Variants in GPR139 observed in about 807,000 individuals in gnomAD.
GPR139 encodes the protein probable G protein-coupled receptor 139.
GPR139 carries 12 observed loss-of-function variants against 25.8 expected under a neutral mutation model. The ratio of observed to expected loss-of-function variants is 0.47; its 90% CI spans 0.30 to 0.75. The LOEUF is 0.75. Among genes scored for constraint, GPR139 ranks in the 30% least tolerant of loss-of-function variants. GPR139 has a pLI of 0.07. For synonymous variants in GPR139, 184 were observed against 179.9 expected (o/e 1.02, Z -0.18); for missense variants, 380 against 450.2 (o/e 0.84, Z 1.41).
chr16:20,039,841 C>G (rs537802328), intron 1 of GPR139, among the ~76,000 whole-genome samples: 1 of 152,324 alleles, frequency 6.6e-6, no homozygotes, highest in East Asian at 1.9e-4. Flanking sequence ...CCCTTGTGTA[C>G]TATGCCCCCT....
At chr16:20,058,892 T>A (rs532182047) in intron 1 of GPR139, among the ~76,000 whole-genome samples, 1 of 152,314 alleles carries the variant, frequency 6.6e-6, no homozygotes, top group East Asian at 1.9e-4. Flanking sequence ...ACTGGGAGGA[T>A]CACTCTCCAC....
chr16:20,052,536 G>A (rs911077678), intron 1 of GPR139, among the ~76,000 whole-genome samples: 6 of 152,148 alleles, frequency 3.9e-5, no homozygotes, highest in Middle Eastern at 3.2e-3. Context: ...GGTGGCTCAC[G>A]CCTGTAATCC....
At chr16:20,060,310 T>C (rs541605170) in intron 1 of GPR139, among the ~76,000 whole-genome samples, 38 of 152,012 alleles carry the variant, frequency 2.5e-4, no homozygotes, top group African/African-American at 8.9e-4. Flanking sequence ...TGTATCTCTG[T>C]GTGTGGTGTG....
At chr16:20,055,789 T>C (rs2141210662) in intron 1 of GPR139, among the ~76,000 whole-genome samples, 1 of 152,376 alleles carries the variant, frequency 6.6e-6, no homozygotes, top group Non-Finnish European at 1.5e-5. Flanking sequence ...CTCTTGCCGC[T>C]GTTCAGCAGA....
intron 1 of GPR139, among the ~76,000 whole-genome samples, chr16:20,069,558 A>G (rs16969515): frequency 0.14 from 21,723 of 151,900 alleles, 1,684 homozygotes; most frequent in East Asian, 0.26. Flanking sequence ...TCTTGCACCA[A>G]CTCTCAAAGG....
At chr16:20,060,640 A>G (rs7195972) in intron 1 of GPR139, among the ~76,000 whole-genome samples, 1,593 of 152,266 alleles carry the variant, frequency 0.01, 24 homozygotes, top group African/African-American at 0.036. Context: ...TCATTAGTGG[A>G]CACATCAGTT....
intron 1 of GPR139, among the ~76,000 whole-genome samples, chr16:20,060,032 C>T (rs1244072281): frequency 6.6e-6 from 1 of 152,164 alleles, no homozygotes; most frequent in East Asian, 1.9e-4. Flanking sequence ...CACCCCGACC[C>T]TCCTTATGAC....
At chr16:20,040,122 G>A (rs1183343025) in intron 1 of GPR139, among the ~76,000 whole-genome samples, 4 of 152,080 alleles carry the variant, frequency 2.6e-5, no homozygotes, top group African/African-American at 7.2e-5. Flanking sequence ...ACTGTCACCC[G>A]TGGGAATGAG....
chr16:20,068,073 A>C (rs1025020570), intron 1 of GPR139, among the ~76,000 whole-genome samples: 1 of 152,058 alleles, frequency 6.6e-6, no homozygotes, highest in Admixed American at 6.6e-5. Flanking sequence ...GATACCCTGA[A>C]AGAATACATA....
rs756461493 is a variant in GPR139 at position 20,073,613 on chromosome 16, C to T, written c.4G>A (p.Glu2Lys). The change falls in exon 1 of 2, where the codon GAG becomes AAG. Residue 2 changes from glutamate (E) to lysine (K), a missense_variant. Coordinates refer to ENST00000570682, the MANE Select transcript of GPR139 (RefSeq NM_001002911.4). The surrounding 1 kb of genome is among the most constrained non-coding windows in gnomAD (Gnocchi z 4.7). ...GCTGCGAGGTGGGCGTGCGTGTGCTCCATGAGCGCGCCCCTCGCTCCCCTT... is the reference window on the plus strand; with the variant it reads ...GCTGCGAGGTGGGCGTGCGTGTGCTTCATGAGCGCGCCCCTCGCTCCCCTT... M[E>K]HTHAHLAANS... 8 of 1,601,656 alleles carry T rather than the reference C, an allele frequency of 5.0e-6. No individual in the cohort carries two copies. Among genetic ancestry groups the T allele is most frequent in the South Asian group, 1.1e-5 (1 of 89,162 alleles).
chr16:20,039,815 T>C (rs916607110), intron 1 of GPR139, among the ~76,000 whole-genome samples: 3 of 152,232 alleles, frequency 2.0e-5, no homozygotes, highest in African/African-American at 7.2e-5. Context: ...ATGTGTCAGC[T>C]AGCCTTATAG....
chr16:20,046,349 A>T (rs1008473260), intron 1 of GPR139, among the ~76,000 whole-genome samples: 1 of 152,250 alleles, frequency 6.6e-6, no homozygotes, highest in Non-Finnish European at 1.5e-5. Context: ...GTTTGCATCC[A>T]CAGGGAGCTT....
rs1441621033 is a variant in GPR139, at chr16:20,073,037, A to AGG, written c.127+451_127+452dup. 2.0e-5 allele frequency among the ~76,000 whole-genome samples: 3 copies of AGG among 152,142 alleles called. No individual in the cohort carries two copies. The highest frequency in any genetic ancestry group is 4.4e-5 in the Non-Finnish European group (3 of 68,020). On this transcript the variant is annotated intron_variant, in intron 1 of 1. Coordinates refer to ENST00000570682, the MANE Select transcript of GPR139 (RefSeq NM_001002911.4). The surrounding 1 kb of genome is among the most constrained non-coding windows in gnomAD (Gnocchi z 4.7). ...TCTCGTGTCAGGCGGGGACACGCAG[A>AGG]GGGGCAGAGGTGCCCCAAGTGGGGT...
intron 1 of GPR139, among the ~76,000 whole-genome samples, chr16:20,051,002 G>T (rs1314702191): frequency 6.8e-6 from 1 of 148,018 alleles, no homozygotes; most frequent in East Asian, 2.0e-4. Flanking sequence ...GGTCAAGGCT[G>T]CAGTGAGTGG....
chr16:20,030,499 G>T lies in GPR139; in HGVS notation c.*1236C>A. Reference sequence around the variant, plus strand: ...CCCCTATTCATTACATCCTAGAAATGTTCTTGCCTTGGACAGGCAAGGGTA... The same window carrying T: ...CCCCTATTCATTACATCCTAGAAATTTTCTTGCCTTGGACAGGCAAGGGTA... On this transcript the variant is annotated 3_prime_UTR_variant, in exon 2 of 2. Transcript: ENST00000570682. 6.6e-6 allele frequency among the ~76,000 whole-genome samples: 1 copy of T among 152,198 alleles called. No homozygotes were observed. The highest frequency in any genetic ancestry group is 1.5e-5 in the Non-Finnish European group (1 of 68,038).
chr16:20,036,931 A>C (rs1315597235), intron 1 of GPR139, among the ~76,000 whole-genome samples: 1 of 152,232 alleles, frequency 6.6e-6, no homozygotes, highest in Non-Finnish European at 1.5e-5. Context: ...TGACTATGCC[A>C]GGCATTGGAT....
chr16:20,034,155 T>A (rs2057301934), intron 1 of GPR139, among the ~76,000 whole-genome samples: 1 of 152,186 alleles, frequency 6.6e-6, no homozygotes, highest in South Asian at 2.1e-4. Context: ...TTTTGCAACC[T>A]AAGTTCTCAG....
rs558782180 is a variant in GPR139 at position 20,052,760 on chromosome 16, G to A, written c.128-20091C>T. ...TGGGAGATCGCGCCACTGCACTCAA[G>A]CCTGGGTGACAGAGCAAGACTCCAT... On this transcript the variant is annotated intron_variant, in intron 1 of 1. Transcript: ENST00000570682. Among the ~76,000 whole-genome samples, 3 of 145,002 alleles carry A rather than the reference G, an allele frequency of 2.1e-5. No homozygotes were observed. In the South Asian group the frequency reaches 6.9e-4, roughly 33 times the overall value.
intron 1 of GPR139, among the ~76,000 whole-genome samples, chr16:20,063,192 C>T (rs374216267): frequency 2.0e-5 from 3 of 152,272 alleles, no homozygotes; most frequent in African/African-American, 4.8e-5. Flanking sequence ...ATATAACCAC[C>T]CCAGATCACA....
Sources: allele counts gnomAD v4.1 joint callset (sites outside exome capture counted in the v4.1 genomes callset), GRCh38; gene constraint gnomAD v4.1.1; non-coding constraint Gnocchi (gnomAD v3.1); transcripts MANE v1.5; gene names NCBI Gene and HGNC (gene_info 2026-07-23, HGNC 2026-07-21).